NBPF12: variants seen among roughly 807,000 people sequenced by gnomAD.
The protein encoded by NBPF12 is NBPF member 12.
A neutral mutation model predicts 146.4 loss-of-function variants in NBPF12; 115 were observed. The observed-to-expected ratio is 0.79, with a 90% CI of 0.68 to 0.92. NBPF12 has a LOEUF of 0.92. NBPF12 is among the 40% of genes least tolerant of loss of function. The pLI, the probability that NBPF12 is intolerant of heterozygous loss-of-function variation, is 0.00. For synonymous variants in NBPF12, 385 were observed against 508.9 expected, an observed-to-expected ratio of 0.76 and a Z score of 3.28; for missense variants, 1,205 against 1,326.8, an observed-to-expected ratio of 0.91 and a Z score of 1.43.
intron 27 of NBPF12, among the ~76,000 whole-genome samples, chr1:146,989,370 G>GTC (rs1278443686): frequency 5.6e-5 from 8 of 141,948 alleles, no homozygotes; most frequent in Middle Eastern, 3.6e-3. Context: ...CTCTGTCTCT[G>GTC]TCTCTCTCTC....
chr1:146,950,182 T>C (rs1431739454), intron 1 of NBPF12, among the ~76,000 whole-genome samples: 6 of 151,822 alleles, frequency 4.0e-5, no homozygotes, highest in African/African-American at 1.5e-4. Flanking sequence ...AGATTTCATG[T>C]CATTAAAGCA....
intron 19 of NBPF12, among the ~76,000 whole-genome samples, chr1:146,981,339 GA>G (rs1657376093): frequency 8.0e-6 from 1 of 124,588 alleles, no homozygotes; most frequent in African/African-American, 3.1e-5. Flanking sequence ...AATAATAAAG[GA>G]AAACTATACA....
intron 7 of NBPF12, among the ~76,000 whole-genome samples, chr1:146,964,668 G>A (rs1314028433): frequency 6.6e-6 from 1 of 151,926 alleles, no homozygotes; most frequent in Non-Finnish European, 1.5e-5. Context: ...GCTCCTATCT[G>A]TCCAGTGCAC....
chr1:146,988,665 A>T (rs1657951559), intron 26 of NBPF12, among the ~76,000 whole-genome samples, 176 bp from the exon 30 acceptor site: 1 of 151,482 alleles, frequency 6.6e-6, no homozygotes, highest in Non-Finnish European at 1.5e-5. Flanking sequence ...TTTCTGGGAG[A>T]AAAACCGAGG....
intron 6 of NBPF12, among the ~76,000 whole-genome samples, 152 bp downstream of exon 9, chr1:146,963,461 A>C (rs1174776086): frequency 6.6e-6 from 1 of 152,094 alleles, no homozygotes; most frequent in South Asian, 2.1e-4. Flanking sequence ...GGGTAAGAAC[A>C]GAAATGGGAA....
intron 1 of NBPF12, among the ~76,000 whole-genome samples, chr1:146,940,810 G>A (rs1325158043): frequency 6.6e-6 from 1 of 151,938 alleles, no homozygotes; most frequent in South Asian, 2.1e-4. Flanking sequence ...TGTTATTCTC[G>A]TAGAGGTGCA....
In NBPF12 at chr1:146,957,513, C is replaced by T. The variant is rs1478934889; in HGVS notation, c.-183-2346C>T. 33 of 174,162 alleles carry T rather than the reference C, an allele frequency of 1.9e-4. 5 individuals carry two copies. The highest frequency in any genetic ancestry group is 1.1e-3 in the Middle Eastern group (1 of 934). 10.8% of individuals were successfully genotyped at this position (174,162 alleles called of 1,614,324 possible). On this transcript the variant is annotated intron_variant, in intron 2 of 33. Transcript: ENST00000617844. Reference sequence around the variant, plus strand: ...TCAGCCCATTCATGACAAAGCTTGACCAGTCTTTGCCAACCAGGGCACCAA... The same window carrying T: ...TCAGCCCATTCATGACAAAGCTTGATCAGTCTTTGCCAACCAGGGCACCAA...
intron 20 of NBPF12, chr1:146,983,309 C>T: frequency 1.7e-6 from 1 of 588,694 alleles, no homozygotes; most frequent in Non-Finnish European, 2.8e-6. Flanking sequence ...CAGGCCATGC[C>T]CGTGCCAACC....
chr1:146,963,315 G>A lies in NBPF12; in HGVS notation c.493+6G>A, dbSNP rs1259637456. ...TGTCCAAAAGCTCAGCCCAGGTAAG[G>A]TGGCCATAGGCCCTGATGACCCAAA... On this transcript the variant is annotated splice_donor_region_variant and intron_variant, in intron 6 of 33. Coordinates refer to ENST00000617844, the Ensembl canonical transcript of NBPF12. The A allele has an allele frequency of 6.2e-7, 1 of 1,611,744 alleles. No individual in the cohort carries two copies. The highest frequency in any genetic ancestry group is 1.3e-5 in the African/African-American group (1 of 74,688).
At chr1:146,948,047 T>C (rs1655148566), upstream of NBPF12, among the ~76,000 whole-genome samples, 1 of 152,034 alleles carries the variant, frequency 6.6e-6, no homozygotes, top group Non-Finnish European at 1.5e-5. Flanking sequence ...TTATTTCTCT[T>C]TTCCTTGGGC....
chr1:146,987,755 G>GTGTGTGTGTGTGTGTGTC (rs1657879866), intron 25 of NBPF12, among the ~76,000 whole-genome samples, 199 bp from the exon 29 acceptor site: 2 of 151,722 alleles, frequency 1.3e-5, no homozygotes, highest in African/African-American at 4.9e-5. Flanking sequence ...GTGTGTGTGT[G>GTGTGTGTGTGTGTGTGTC]TGTGTCTGTC....
At chr1:146,947,969 A>G (rs1475741743), upstream of NBPF12, among the ~76,000 whole-genome samples, 5 of 152,148 alleles carry the variant, frequency 3.3e-5, no homozygotes, top group African/African-American at 7.2e-5. Flanking sequence ...ACATTTTCAC[A>G]TAATAATATT....
At chr1:146,972,091 A>C (rs1354120148) in intron 13 of NBPF12, among the ~76,000 whole-genome samples, 1 of 144,334 alleles carries the variant, frequency 6.9e-6, no homozygotes, top group African/African-American at 2.6e-5. Flanking sequence ...CCATCTAAAA[A>C]AAAAAAAAAA....
intron 1 of NBPF12, among the ~76,000 whole-genome samples, chr1:146,939,379 T>C (rs1654691385): frequency 6.6e-6 from 1 of 151,986 alleles, no homozygotes; most frequent in African/African-American, 2.4e-5. Flanking sequence ...CTTGCAAAGT[T>C]GGGGTCTTTA....
chr1:146,952,388 G>A (rs1411436261), intron 2 of NBPF12, among the ~76,000 whole-genome samples: 1 of 152,030 alleles, frequency 6.6e-6, no homozygotes, highest in Non-Finnish European at 1.5e-5. Context: ...CAGTCTCTGT[G>A]TACTCTTCAA....
intron 18 of NBPF12, among the ~76,000 whole-genome samples, chr1:146,978,187 A>T (rs1331882329): frequency 3.3e-4 from 50 of 150,778 alleles, no homozygotes; most frequent in Non-Finnish European, 6.3e-4. Context: ...TATTTCCATA[A>T]AGCAAGGCTG....
chr1:146,971,950 C>T (rs1166675902), intron 13 of NBPF12, among the ~76,000 whole-genome samples: 4 of 146,702 alleles, frequency 2.7e-5, no homozygotes, highest in East Asian at 2.0e-4. Flanking sequence ...TAGCTGGGCG[C>T]GGTGTTGGGT....
At chr1:146,972,660 A>G in intron 13 of NBPF12, 91 bp from the exon 17 acceptor site, 1 of 1,082,276 alleles carries the variant, frequency 9.2e-7, no homozygotes, top group Non-Finnish European at 1.4e-6. Context: ...ATAAGTAGAC[A>G]AGGCTACCAG....
chr1:146,966,216 C>G (rs1209335421), intron 8 of NBPF12, among the ~76,000 whole-genome samples: 1 of 151,970 alleles, frequency 6.6e-6, no homozygotes, highest in Non-Finnish European at 1.5e-5. Context: ...CAGGGCCAAG[C>G]CTTGCTTTAT....
Sources: gnomAD v4.1 joint callset for allele counts (sites outside exome capture counted in the v4.1 genomes callset) on GRCh38, gnomAD v4.1.1 for gene constraint, MANE v1.5 for transcripts, NCBI Gene and HGNC (gene_info 2026-07-23, HGNC 2026-07-21) for gene names.